The following TWIST2 variants were observed in gnomAD, a reference collection of about 807,000 sequenced individuals.
TWIST2 encodes twist-related protein 2.
TWIST2 carries 1 observed loss-of-function variant against 11.6 expected under a neutral mutation model. The observed-to-expected ratio is 0.09, with a 90% CI of 0.03 to 0.41. The LOEUF is 0.41. TWIST2 is among the 10% of genes least tolerant of loss of function. The pLI, the probability that TWIST2 is intolerant of heterozygous loss-of-function variation, is 0.98. For missense variants in TWIST2, 168 were observed against 226.4 expected, an observed-to-expected ratio of 0.74 and a Z score of 1.66; for synonymous variants, 87 against 96.6, an observed-to-expected ratio of 0.90 and a Z score of 0.58.
At chr2:238,849,618 C>A (rs1165115388) in intron 1 of TWIST2, among the ~76,000 whole-genome samples, 1 of 152,190 alleles carries the variant, frequency 6.6e-6, no homozygotes, top group Non-Finnish European at 1.5e-5. Flanking sequence ...GGAAACGGGT[C>A]TGGGGGACAG....
At chr2:238,881,655 T>TGGCTGGGCTG (rs572221587) in intron 1 of TWIST2, among the ~76,000 whole-genome samples, 3 of 152,162 alleles carry the variant, frequency 2.0e-5, no homozygotes, top group African/African-American at 7.2e-5. Context: ...GCATTAGTTC[T>TGGCTGGGCTG]GGCTGGGCTG....
At chr2:238,902,601 GAT>G (rs1429197047) in intron 1 of TWIST2, among the ~76,000 whole-genome samples, 243 of 149,378 alleles carry the variant, frequency 1.6e-3, no homozygotes, top group African/African-American at 5.5e-3. Context: ...TAGTGTGTGT[GAT>G]ATGAGTTGTG....
chr2:238,905,858 TGTGTGTGC>T (rs1693334570), intron 1 of TWIST2, among the ~76,000 whole-genome samples: 3 of 60,510 alleles, frequency 5.0e-5, no homozygotes, highest in African/African-American at 1.5e-4. Flanking sequence ...TGTGTGTGCG[TGTGTGTGC>T]GTGCGTGTGT....
At chr2:238,880,867 GTTA>G (rs1460419173) in intron 1 of TWIST2, among the ~76,000 whole-genome samples, 13 of 114,958 alleles carry the variant, frequency 1.1e-4, no homozygotes, top group African/African-American at 3.5e-4. Context: ...TAGTGTTAGT[GTTA>G]TTGTTAGTGT....
At position 238,865,228 on chromosome 2, in the gene TWIST2, A is replaced by G. The variant is rs541549157; in HGVS notation, c.*35+16495A>G. Among the ~76,000 whole-genome samples, 7 of 152,306 alleles carry G rather than the reference A, an allele frequency of 4.6e-5. No individual in the cohort carries two copies. The South Asian group carries it at 1.5e-3, about 32-fold the overall frequency. On this transcript the variant is annotated intron_variant, in intron 1 of 1. Transcript: ENST00000612363. ...AGACAGAGCTGTGGGCAGAGCCAGG[A>G]AGCAAACCCAGCCAGTCCAATTATC...
intron 1 of TWIST2, among the ~76,000 whole-genome samples, chr2:238,855,600 G>A (rs1048274585): frequency 3.9e-5 from 6 of 152,104 alleles, no homozygotes; most frequent in South Asian, 2.1e-4. Flanking sequence ...GTTTCCTACC[G>A]CTTCCCCCAA....
At chr2:238,895,448 CA>C (rs1693195281) in intron 1 of TWIST2, among the ~76,000 whole-genome samples, 1 of 152,236 alleles carries the variant, frequency 6.6e-6, no homozygotes, top group Non-Finnish European at 1.5e-5. Flanking sequence ...CATCATCTTC[CA>C]CTCATGGGTT....
At position 238,863,659 on chromosome 2, in the gene TWIST2, G is replaced by C. The variant is rs1574750071; in HGVS notation, c.*35+14926G>C. On this transcript the variant is annotated intron_variant, in intron 1 of 1. Transcript: ENST00000612363. This position sits in a 1 kb window ranked among gnomAD's most constrained non-coding sequence, Gnocchi z 4.7. ...TTAACCATAAACCACTTCAGCTTTG[G>C]GGAAGCAAGTGGGAAAAAACCTCAA... Among the ~76,000 whole-genome samples the C allele has an allele frequency of 1.3e-5, 2 of 152,070 alleles. No individual in the cohort carries two copies. The highest frequency in any genetic ancestry group is 3.8e-4 in the East Asian group (2 of 5,202).
At chr2:238,870,162 ACACAC>A (rs1692627734) in intron 1 of TWIST2, among the ~76,000 whole-genome samples, 1 of 131,134 alleles carries the variant, frequency 7.6e-6, no homozygotes, top group Non-Finnish European at 1.6e-5. Context: ...CACACCCCAC[ACACAC>A]CACACACCCC....
chr2:238,897,098 C>T (rs1693215595), intron 1 of TWIST2, among the ~76,000 whole-genome samples: 1 of 152,200 alleles, frequency 6.6e-6, no homozygotes, highest in South Asian at 2.1e-4. Context: ...TGCTTTCCAT[C>T]CCTTTCCTCT....
In TWIST2 at chr2:238,902,913, G is replaced by A. The variant is rs1279658177; in HGVS notation, c.*36-6929G>A. On this transcript the variant is annotated intron_variant, in intron 1 of 1. Coordinates refer to ENST00000612363, the MANE Select transcript of TWIST2 (RefSeq NM_001271893.4). ...TGTGGGGTGTGTGATGGGTATGTGC[G>A]TGATGTGAGGTGTGTGTGATGTGGG... is the stretch of plus-strand genomic sequence containing the variant. Among the ~76,000 whole-genome samples the A allele has an allele frequency of 5.0e-5, 3 of 60,556 alleles. 1 individual carries two copies. The highest frequency in any genetic ancestry group is 8.7e-5 in the Non-Finnish European group (3 of 34,316). The allele number at this position is 60,556 out of a possible 152,430, so 39.7% of individuals were successfully genotyped here.
intron 1 of TWIST2, among the ~76,000 whole-genome samples, chr2:238,870,159 C>A (rs1574753993): frequency 2.5e-5 from 2 of 79,912 alleles, no homozygotes; most frequent in South Asian, 4.7e-4. Flanking sequence ...CACCACACCC[C>A]ACACACACCA....
At chr2:238,903,007 GA>G in intron 1 of TWIST2, among the ~76,000 whole-genome samples, 1 of 7,554 alleles carries the variant, frequency 1.3e-4, no homozygotes, top group Non-Finnish European at 2.6e-4. Flanking sequence ...TGCGTGATGT[GA>G]GGTGTGTGTG....
At chr2:238,899,395 G>A (rs992191734) in intron 1 of TWIST2, among the ~76,000 whole-genome samples, 2,029 of 152,362 alleles carry the variant, frequency 0.013, 42 homozygotes, top group African/African-American at 0.045. Flanking sequence ...CCTTTCTGGT[G>A]AAGTAGCTCA....
At chr2:238,900,986 CTT>C (rs1248385207) in intron 1 of TWIST2, among the ~76,000 whole-genome samples, 11,073 of 139,632 alleles carry the variant, frequency 0.079, 481 homozygotes, top group East Asian at 0.17. Flanking sequence ...TCCCCCCCGG[CTT>C]TTTTTTTTTT....
chr2:238,905,926 C>CGT (rs1181896151), intron 1 of TWIST2, among the ~76,000 whole-genome samples: 2 of 103,844 alleles, frequency 1.9e-5, no homozygotes, highest in African/African-American at 1.0e-4. Flanking sequence ...TGCAGGTGTG[C>CGT]GTGTGCGCGT....
chr2:238,891,881 T>G (rs565094484), intron 1 of TWIST2, among the ~76,000 whole-genome samples: 2 of 152,262 alleles, frequency 1.3e-5, no homozygotes, highest in South Asian at 4.1e-4. Flanking sequence ...TCTGTGTGAA[T>G]GAGCAGCCAC....
intron 1 of TWIST2, among the ~76,000 whole-genome samples, chr2:238,868,104 G>A (rs894126769): frequency 6.6e-6 from 1 of 152,218 alleles, no homozygotes; most frequent in Non-Finnish European, 1.5e-5. Flanking sequence ...GACCAGTGCA[G>A]TGCCCCACAA....
chr2:238,867,411 ACT>A lies in TWIST2; in HGVS notation c.*35+18680_*35+18681del, dbSNP rs1491388355. Among the ~76,000 whole-genome samples, 766 of 145,002 alleles carry A rather than the reference ACT, an allele frequency of 5.3e-3. 7 individuals are homozygous for A. The highest frequency in any genetic ancestry group is 6.0e-3 in the Non-Finnish European group (394 of 65,702). On this transcript the variant is annotated intron_variant, in intron 1 of 1. Coordinates refer to ENST00000612363, the MANE Select transcript of TWIST2 (RefSeq NM_001271893.4). The surrounding 1 kb of genome is among the most constrained non-coding windows in gnomAD (Gnocchi z 4.8). Reference sequence around the variant, plus strand: ...CACACACACACACACACACACACACACTCCTCAGTAAAATACCCAGTTCTCAC... The same window carrying A: ...CACACACACACACACACACACACACACCTCAGTAAAATACCCAGTTCTCAC...
Sources: gnomAD v4.1 joint callset for allele counts (sites outside exome capture counted in the v4.1 genomes callset) on GRCh38, gnomAD v4.1.1 for gene constraint, Gnocchi (gnomAD v3.1) non-coding constraint, MANE v1.5 for transcripts, NCBI Gene and HGNC (gene_info 2026-07-23, HGNC 2026-07-21) for gene names.